ATAD3B: variants seen among roughly 807,000 people sequenced by gnomAD.
ATAD3B encodes the protein ATPase family AAA domain-containing protein 3B.
A neutral mutation model predicts 70.2 loss-of-function variants in ATAD3B; 59 were observed. That is an observed-to-expected ratio of 0.84 (90% CI 0.68 to 1.04). The LOEUF (loss-of-function observed/expected upper bound fraction) is 1.04, where lower values mean the gene tolerates loss of function less well. Among genes scored for constraint, ATAD3B ranks in the 50% least tolerant of loss-of-function variants. The pLI is 0.00. For synonymous variants in ATAD3B, 423 were observed against 388.6 expected (o/e 1.09, Z -1.04); for missense variants, 961 against 913.4 (o/e 1.05, Z -0.67).
intron 15 of ATAD3B, 33 bp from the exon 16 acceptor site, chr1:1,495,452 G>A: frequency 6.4e-7 from 1 of 1,565,854 alleles, no homozygotes; most frequent in Non-Finnish European, 8.7e-7. Context: ...GGTTCCCATA[G>A]CGGCCTCCCT....
downstream of ATAD3B, among the ~76,000 whole-genome samples, chr1:1,502,506 C>CCTACACTGATAACTT (rs1379870850): frequency 6.2e-5 from 7 of 113,636 alleles, no homozygotes; most frequent in East Asian, 2.5e-4. Flanking sequence ...CCGTGCCCAG[C>CCTACACTGATAACTT]ATTTTTTTTT....
the ATAD3B span, among the ~76,000 whole-genome samples, chr1:1,506,363 C>A: frequency 6.6e-6 from 1 of 151,368 alleles, no homozygotes; most frequent in Non-Finnish European, 1.5e-5. Flanking sequence ...TGCATCCAGT[C>A]TCTATATTGC....
intron 1 of ATAD3B, among the ~76,000 whole-genome samples, chr1:1,473,171 G>A (rs549586261): frequency 8.7e-6 from 1 of 115,490 alleles, no homozygotes; most frequent in South Asian, 2.8e-4. Flanking sequence ...GATGAGTCTC[G>A]CTCTGTCGCC....
At chr1:1,484,806 T>G in intron 7 of ATAD3B, 2 of 1,338,402 alleles carry the variant, frequency 1.5e-6, no homozygotes, top group Non-Finnish European at 2.0e-6. Context: ...AAAATGGCCC[T>G]GAGTGAGGGC....
At chr1:1,501,781 C>G (rs776711553), downstream of ATAD3B, among the ~76,000 whole-genome samples, 1 of 152,158 alleles carries the variant, frequency 6.6e-6, no homozygotes, top group Non-Finnish European at 1.5e-5. Context: ...AGTGTCATCC[C>G]GTAATGCACT....
intron 2 of ATAD3B, chr1:1,478,410 C>A: frequency 2.7e-6 from 4 of 1,498,050 alleles, no homozygotes; most frequent in Non-Finnish European, 2.7e-6. Context: ...TGGTGTCTGA[C>A]CTCCCTCCCC....
intron 5 of ATAD3B, 151 bp from the exon 6 acceptor site, chr1:1,481,987 G>GGCCTGTCCA: frequency 7.4e-7 from 1 of 1,351,856 alleles, no homozygotes; most frequent in African/African-American, 1.5e-5. Flanking sequence ...TAGCCTGTTG[G>GGCCTGTCCA]TGGCGTGGGC....
intron 2 of ATAD3B, 118 bp downstream of exon 2, chr1:1,477,468 C>G: frequency 6.6e-7 from 1 of 1,515,020 alleles, no homozygotes; most frequent in African/African-American, 1.4e-5. Context: ...AGCAGTGGGG[C>G]CAGGGCCGAG....
Position 1,477,265 on chromosome 1 carries a change from C to G in ATAD3B, c.206-9C>G, listed in dbSNP as rs369416205. 1.2e-6 allele frequency: 2 copies of G among 1,611,938 alleles called. No homozygotes were observed. Among genetic ancestry groups the G allele is most frequent in the African/African-American group, 2.7e-5 (2 of 74,874 alleles). On this transcript the variant is annotated splice_polypyrimidine_tract_variant and intron_variant, in intron 1 of 15. Coordinates refer to ENST00000673477, the MANE Select transcript of ATAD3B (RefSeq NM_031921.6). ...CTACACCTGCTCTCCGTGCCACATG[C>G]GCCCGCAGGTTACGCCAAGGAGGCC...
intron 3 of ATAD3B, 117 bp downstream of exon 3, chr1:1,478,862 C>T (rs1165397257): frequency 2.1e-5 from 18 of 874,454 alleles, no homozygotes; most frequent in African/African-American, 1.5e-4. Flanking sequence ...GAGCTGCCCT[C>T]GGAACGGCCT....
At chr1:1,476,799 C>T (rs1322690396) in intron 1 of ATAD3B, among the ~76,000 whole-genome samples, 2 of 151,748 alleles carry the variant, frequency 1.3e-5, no homozygotes, top group African/African-American at 2.4e-5. Context: ...TGAGCCACCA[C>T]GCCCTGCTAG....
downstream of ATAD3B, among the ~76,000 whole-genome samples, chr1:1,501,551 G>C (rs538309030): frequency 8.6e-5 from 13 of 151,948 alleles, 1 homozygote; most frequent in African/African-American, 3.1e-4. Context: ...CACCGTGCCC[G>C]GCCTAATTTT....
rs751526787 is a variant in ATAD3B at position 1,487,799 on chromosome 1, G to A, written c.1215-64G>A. On this transcript the variant is annotated intron_variant, in intron 11 of 15. Transcript: ENST00000673477. ...TGCCTGGCCTGCTCCTGCCGCGGCC[G>A]GACGCTGCTGTGGGCTGCTCCTGGC... The A allele has an allele frequency of 6.0e-5, 95 of 1,590,794 alleles. 2 individuals are homozygous for A. Among genetic ancestry groups the A allele is most frequent in the Non-Finnish European group, 6.8e-5 (79 of 1,161,276 alleles).
At chr1:1,492,661 C>T (rs576879843) in intron 15 of ATAD3B, among the ~76,000 whole-genome samples, 22 of 150,452 alleles carry the variant, frequency 1.5e-4, no homozygotes, top group Admixed American at 6.6e-4. Context: ...TGGACGGGGC[C>T]GGGTGTGGTG....
intron 1 of ATAD3B, among the ~76,000 whole-genome samples, chr1:1,475,462 C>G (rs1399194260): frequency 2.6e-5 from 4 of 151,732 alleles, no homozygotes; most frequent in African/African-American, 9.7e-5. Context: ...GCGGGGTCGC[C>G]GAGATTCGCC....
rs1369723455 is a variant in ATAD3B, at chr1:1,480,172, C to A, written c.445-695C>A. On this transcript the variant is annotated intron_variant, in intron 4 of 15. Transcript: ENST00000673477. ...TCATACATACGGGCACGCACCTGCA[C>A]ACGAGGGCACACCCCCACCCCCCAC... 4.2e-5 allele frequency among the ~76,000 whole-genome samples: 6 copies of A among 142,772 alleles called. 1 individual carries two copies. The highest frequency in any genetic ancestry group is 1.4e-4 in the Admixed American group (2 of 14,120). The allele number at this position is 142,772 out of a possible 152,430, so 93.7% of individuals were successfully genotyped here.
At chr1:1,500,566 AAATT>A (rs960517725), downstream of ATAD3B, among the ~76,000 whole-genome samples, 2 of 150,980 alleles carry the variant, frequency 1.3e-5, no homozygotes, top group Admixed American at 6.6e-5. Flanking sequence ...AAAAAAAAAA[AAATT>A]ATCCTGTGCT....
chr1:1,475,524 G>A (rs531669999), intron 1 of ATAD3B, among the ~76,000 whole-genome samples: 3 of 151,980 alleles, frequency 2.0e-5, no homozygotes, highest in African/African-American at 4.8e-5. Context: ...CCTCCTCACC[G>A]ACTGCCTCCT....
intron 13 of ATAD3B, chr1:1,489,540 C>T (rs917237455): frequency 9.0e-5 from 90 of 1,002,190 alleles, no homozygotes; most frequent in Non-Finnish European, 1.2e-4. Context: ...CCCTCTGCCC[C>T]TAGATTTCTG....
Sources: gnomAD v4.1 joint callset for allele counts (sites outside exome capture counted in the v4.1 genomes callset) on GRCh38, gnomAD v4.1.1 for gene constraint, MANE v1.5 for transcripts, NCBI Gene and HGNC (gene_info 2026-07-23, HGNC 2026-07-21) for gene names.